Variants in ZNF385D observed in about 807,000 individuals in gnomAD.
ZNF385D encodes the protein zinc finger protein 385D, also known as zinc finger protein 659.
Under a neutral mutation model 35.8 loss-of-function variants are expected in ZNF385D, and 15 were observed. The observed-to-expected ratio is 0.42, with a 90% CI of 0.28 to 0.64. The LOEUF (loss-of-function observed/expected upper bound fraction) is 0.64, where lower values mean the gene tolerates loss of function less well. Ranked by LOEUF, ZNF385D falls within the 30% of genes least tolerant of loss-of-function variation. The pLI, the probability that ZNF385D is intolerant of heterozygous loss-of-function variation, is 0.23. For missense variants in ZNF385D, 474 were observed against 494.6 expected, an observed-to-expected ratio of 0.96 and a Z score of 0.39; for synonymous variants, 212 against 186.8, an observed-to-expected ratio of 1.13 and a Z score of -1.10.
intron 3 of ZNF385D, among the ~76,000 whole-genome samples, chr3:22,049,552 T>C (rs542853827): frequency 3.4e-4 from 52 of 152,240 alleles, no homozygotes; most frequent in Middle Eastern, 6.8e-3. Flanking sequence ...TCTAGTACTA[T>C]GTTTATTAAA....
intron 3 of ZNF385D, among the ~76,000 whole-genome samples, chr3:21,788,573 T>A (rs142283925): frequency 3.3e-5 from 5 of 152,224 alleles, no homozygotes; most frequent in African/African-American, 1.2e-4. Flanking sequence ...TCTTAGTACA[T>A]TGTCTTTGAA....
At chr3:21,673,272 C>T (rs1227950418) in intron 1 of ZNF385D, among the ~76,000 whole-genome samples, 1 of 152,092 alleles carries the variant, frequency 6.6e-6, no homozygotes. Context: ...ATTCAGTTAT[C>T]AGTCACACTA....
At chr3:21,485,900 C>T (rs971416040) in intron 4 of ZNF385D, among the ~76,000 whole-genome samples, 13 of 151,784 alleles carry the variant, frequency 8.6e-5, no homozygotes, top group African/African-American at 3.1e-4. Context: ...TATCTGAATC[C>T]CACTACCACC....
At chr3:22,020,942 C>G (rs1423428417) in intron 3 of ZNF385D, among the ~76,000 whole-genome samples, 5 of 151,756 alleles carry the variant, frequency 3.3e-5, no homozygotes, top group Non-Finnish European at 1.5e-5. Flanking sequence ...TACTATTAAT[C>G]CATAAAAAAG....
At chr3:21,613,580 A>C (rs1376062776) in intron 2 of ZNF385D, among the ~76,000 whole-genome samples, 3 of 152,220 alleles carry the variant, frequency 2.0e-5, no homozygotes, top group East Asian at 3.9e-4. Flanking sequence ...CATTTGGTCA[A>C]GATGACCCTT....
At position 21,413,532 on chromosome 3, in the gene ZNF385D, G is replaced by GTT. The variant is rs931991804; in HGVS notation, c.*7681_*7682insAA. On this transcript the variant is annotated 3_prime_UTR_variant, in exon 8 of 8. Transcript: ENST00000281523. Reference sequence around the variant, plus strand: ...ACTGTACCTCCCTCCAATGCTTGTGGTAATGCTCTTTCAAATGAGGTATTC... The same window carrying GTT: ...ACTGTACCTCCCTCCAATGCTTGTGGTTTAATGCTCTTTCAAATGAGGTATTC... 1 of 152,000 alleles carries GTT rather than the reference G, an allele frequency of 6.6e-6. No individual in the cohort carries two copies. The highest frequency in any genetic ancestry group is 1.5e-5 in the Non-Finnish European group (1 of 67,956). The allele number at this position is 152,000 out of a possible 1,614,324, so 9.4% of individuals were successfully genotyped here.
intron 3 of ZNF385D, among the ~76,000 whole-genome samples, chr3:22,163,458 T>A (rs761536375): frequency 2.6e-5 from 4 of 152,210 alleles, no homozygotes; most frequent in African/African-American, 7.2e-5. Flanking sequence ...ATAAGTGAGA[T>A]GACACGTAAA....
intron 3 of ZNF385D, among the ~76,000 whole-genome samples, chr3:21,804,533 T>C (rs985799662): frequency 6.6e-6 from 1 of 152,164 alleles, no homozygotes; most frequent in Non-Finnish European, 1.5e-5. Flanking sequence ...TTTTCATTTG[T>C]CAAGCCTTGC....
intron 3 of ZNF385D, among the ~76,000 whole-genome samples, chr3:21,890,819 T>C (rs567567708): frequency 2.6e-5 from 4 of 152,286 alleles, no homozygotes; most frequent in East Asian, 1.9e-4. Context: ...AAGGATTGAC[T>C]TGCATTATGG....
At chr3:21,976,055 C>T (rs1168499150) in intron 3 of ZNF385D, among the ~76,000 whole-genome samples, 2 of 152,106 alleles carry the variant, frequency 1.3e-5, no homozygotes, top group Non-Finnish European at 2.9e-5. Flanking sequence ...CTAACTGGGA[C>T]ACCTTGAGGG....
intron 3 of ZNF385D, among the ~76,000 whole-genome samples, chr3:21,562,374 A>G (rs1365128223): frequency 6.6e-6 from 1 of 152,274 alleles, no homozygotes; most frequent in East Asian, 1.9e-4. Context: ...ACATCAATCT[A>G]CAGAATTAGA....
Position 21,875,036 on chromosome 3 carries a change from C to G in ZNF385D, c.326-210008G>C, listed in dbSNP as rs576442569. 1.7e-4 allele frequency among the ~76,000 whole-genome samples: 26 copies of G among 151,286 alleles called. 1 individual carries two copies. The South Asian group carries it at 5.0e-3, about 29-fold the overall frequency. ...AAAATGGGATTATTTTCTTAATTTC[C>G]TTTTAGGGTTATTCATTGTTTAGTG... On this transcript the variant is annotated intron_variant, in intron 3 of 5. Transcript: ENST00000494108.
intron 2 of ZNF385D, among the ~76,000 whole-genome samples, chr3:21,568,340 G>GAC (rs1308004308): frequency 1.3e-5 from 2 of 151,956 alleles, no homozygotes; most frequent in Admixed American, 6.6e-5. Flanking sequence ...CAAATCAGGG[G>GAC]ACACACACAC....
chr3:21,574,269 A>G (rs1459946158), intron 2 of ZNF385D, among the ~76,000 whole-genome samples: 1 of 152,118 alleles, frequency 6.6e-6, no homozygotes, highest in East Asian at 1.9e-4. Context: ...TGGTCAAGAA[A>G]TAGAGGGACA....
chr3:22,136,994 T>C (rs1239866365), intron 3 of ZNF385D, among the ~76,000 whole-genome samples: 1 of 152,182 alleles, frequency 6.6e-6, no homozygotes, highest in East Asian at 1.9e-4. Context: ...TATGATCATG[T>C]AGTGGTGGAT....
chr3:22,075,234 G>T (rs1386158729), intron 3 of ZNF385D, among the ~76,000 whole-genome samples: 1 of 151,772 alleles, frequency 6.6e-6, no homozygotes, highest in East Asian at 1.9e-4. Flanking sequence ...CCCACCAGTA[G>T]ATTATTCCCT....
chr3:21,697,010 T>C (rs561343969), intron 1 of ZNF385D, among the ~76,000 whole-genome samples: 26 of 152,264 alleles, frequency 1.7e-4, no homozygotes, highest in African/African-American at 6.0e-4. Flanking sequence ...TTCTCATCAG[T>C]GTGTTTGCAT....
chr3:21,991,942 G>T (rs752530115), intron 3 of ZNF385D, among the ~76,000 whole-genome samples: 2 of 152,114 alleles, frequency 1.3e-5, no homozygotes, highest in Non-Finnish European at 2.9e-5. Context: ...TGCACTCCAT[G>T]GCCAGACCAC....
chr3:21,524,246 T>C (rs1364201217), intron 3 of ZNF385D, among the ~76,000 whole-genome samples: 4 of 152,194 alleles, frequency 2.6e-5, no homozygotes, highest in Admixed American at 6.5e-5. Context: ...TTCTAGGCTG[T>C]AGCTAAATTG....
Sources: allele counts gnomAD v4.1 joint callset (sites outside exome capture counted in the v4.1 genomes callset), GRCh38; gene constraint gnomAD v4.1.1; transcripts MANE v1.5; gene names NCBI Gene and HGNC (gene_info 2026-07-23, HGNC 2026-07-21).